The following CLSTN2 variants were observed in gnomAD, a reference collection of about 807,000 sequenced individuals.
CLSTN2 encodes calsyntenin-2.
Under a neutral mutation model 101.2 loss-of-function variants are expected in CLSTN2, and 48 were observed. The observed-to-expected ratio is 0.47, with a 90% CI of 0.38 to 0.60. CLSTN2 has a LOEUF of 0.60. Ranked by LOEUF, CLSTN2 falls within the 20% of genes least tolerant of loss-of-function variation. The probability of loss-of-function intolerance (pLI) is 0.00; values close to 1 mark genes in which losing one functional copy is unlikely to be tolerated. For synonymous variants in CLSTN2, 481 were observed against 463.6 expected (o/e 1.04, Z -0.48); for missense variants, 1,160 against 1,238.2 (o/e 0.94, Z 0.95).
chr3:140,290,620 A>G (rs1032823425), intron 2 of CLSTN2, among the ~76,000 whole-genome samples: 5 of 152,206 alleles, frequency 3.3e-5, no homozygotes, highest in Non-Finnish European at 7.3e-5. Flanking sequence ...TACAACCTAC[A>G]AGCGACTGAC....
At chr3:140,299,508 A>C (rs2087037015) in intron 2 of CLSTN2, among the ~76,000 whole-genome samples, 1 of 152,174 alleles carries the variant, frequency 6.6e-6, no homozygotes, top group African/African-American at 2.4e-5. Flanking sequence ...ATTCGTGTTA[A>C]CTGCAGTCCT....
chr3:139,952,469 C>T (rs1048255137), intron 1 of CLSTN2, among the ~76,000 whole-genome samples: 4 of 149,808 alleles, frequency 2.7e-5, no homozygotes, highest in Non-Finnish European at 5.9e-5. Flanking sequence ...TTTGCCCCTA[C>T]ATTGGTTCCT....
chr3:140,010,397 T>C (rs1160261006), intron 1 of CLSTN2, among the ~76,000 whole-genome samples: 1 of 152,216 alleles, frequency 6.6e-6, no homozygotes, highest in African/African-American at 2.4e-5. Flanking sequence ...GTGTGTTCCA[T>C]GTTCCCAGAA....
intron 1 of CLSTN2, among the ~76,000 whole-genome samples, chr3:140,022,694 TG>T (rs2007343877): frequency 6.6e-6 from 1 of 152,008 alleles, no homozygotes; most frequent in African/African-American, 2.4e-5. Flanking sequence ...GGGATGGAGG[TG>T]GGGGTGGTGG....
At chr3:140,118,808 T>A (rs1039603521) in intron 1 of CLSTN2, among the ~76,000 whole-genome samples, 1 of 152,110 alleles carries the variant, frequency 6.6e-6, no homozygotes. Flanking sequence ...AAGGCAGAAA[T>A]GCGTGTTATG....
chr3:139,937,320 G>A (rs1469661360), intron 1 of CLSTN2, among the ~76,000 whole-genome samples: 1 of 152,110 alleles, frequency 6.6e-6, no homozygotes, highest in African/African-American at 2.4e-5. Context: ...GCGAGAAAGA[G>A]AAGGAGAGAG....
intron 2 of CLSTN2, among the ~76,000 whole-genome samples, chr3:140,238,402 C>T (rs7643993): frequency 1.2e-5 from 1 of 86,810 alleles, no homozygotes; most frequent in African/African-American, 4.1e-5. Context: ...ATTTTAGGAA[C>T]ATTCCTGCAC....
intron 8 of CLSTN2, among the ~76,000 whole-genome samples, chr3:140,488,273 G>A (rs1169086255): frequency 1.3e-5 from 2 of 152,162 alleles, no homozygotes; most frequent in Non-Finnish European, 2.9e-5. Context: ...AGGGACAAAT[G>A]TTCATTATGG....
At chr3:139,939,556 G>A (rs1312279895) in intron 1 of CLSTN2, among the ~76,000 whole-genome samples, 2 of 152,184 alleles carry the variant, frequency 1.3e-5, no homozygotes, top group African/African-American at 2.4e-5. Flanking sequence ...CAGTATGAGT[G>A]TCTAAGGCTG....
At chr3:140,312,291 A>G (rs1013443462) in intron 2 of CLSTN2, among the ~76,000 whole-genome samples, 2 of 152,214 alleles carry the variant, frequency 1.3e-5, no homozygotes, top group Non-Finnish European at 2.9e-5. Flanking sequence ...GCATGTATGG[A>G]TTCTGCACAG....
At chr3:140,511,804 G>A (rs1934821145) in intron 8 of CLSTN2, among the ~76,000 whole-genome samples, 1 of 151,172 alleles carries the variant, frequency 6.6e-6, no homozygotes, top group Admixed American at 6.6e-5. Flanking sequence ...TGATCCGCCT[G>A]CCTCTGGACT....
rs1213510864 is a variant in CLSTN2, at chr3:140,421,201, T to C, written c.714T>C (p.Cys238=). The C allele has an allele frequency of 2.5e-6, 4 of 1,614,056 alleles. No individual in the cohort carries two copies. In the African/African-American group the frequency reaches 5.3e-5, roughly 22 times the overall value. The change falls in exon 5 of 17, where the codon TGT becomes TGC. Residue 238 remains cysteine (C), a synonymous_variant. Coordinates refer to ENST00000458420, the MANE Select transcript of CLSTN2 (RefSeq NM_022131.3). The part of the protein sequence containing the change: ...QYEILVTAYD[C]GQKPAAQDTL... ...AGATCCTGGTGACCGCCTACGACTG[T>C]GGACAGAAGCCCGCTGCTCAGGACA...
chr3:140,342,001 C>A (rs1465713089), intron 2 of CLSTN2, among the ~76,000 whole-genome samples: 1 of 152,094 alleles, frequency 6.6e-6, no homozygotes, highest in African/African-American at 2.4e-5. Flanking sequence ...GGGTAGACAA[C>A]CTGCTTCACT....
chr3:140,119,493 G>A (rs190553520), intron 1 of CLSTN2, among the ~76,000 whole-genome samples: 6 of 152,260 alleles, frequency 3.9e-5, no homozygotes, highest in African/African-American at 1.2e-4. Flanking sequence ...TGGAATGTAT[G>A]GGAGGCAGCA....
chr3:140,096,568 A>C (rs2008872756), intron 1 of CLSTN2, among the ~76,000 whole-genome samples: 1 of 152,096 alleles, frequency 6.6e-6, no homozygotes, highest in Admixed American at 6.5e-5. Context: ...CTACTCCTGG[A>C]GATAGTTATG....
At chr3:139,989,413 T>C (rs7631462) in intron 1 of CLSTN2, among the ~76,000 whole-genome samples, 3,923 of 152,236 alleles carry the variant, frequency 0.026, 180 homozygotes, top group African/African-American at 0.088. Context: ...TACTCCAGAT[T>C]GTTTATCTTT....
chr3:140,279,539 G>C (rs1212817353), intron 2 of CLSTN2, among the ~76,000 whole-genome samples: 1 of 152,216 alleles, frequency 6.6e-6, no homozygotes, highest in Admixed American at 6.5e-5. Context: ...GATTTGCTCT[G>C]CCAAGTGACC....
In CLSTN2 at chr3:140,079,750, C is replaced by CA. The variant is rs548470137; in HGVS notation, c.110-96190dup. Among the ~76,000 whole-genome samples the CA allele has an allele frequency of 2.7e-3, 284 of 106,334 alleles. 4 individuals carry two copies. Among genetic ancestry groups the CA allele is most frequent in the African/African-American group, 4.8e-3 (134 of 28,082 alleles). 69.8% of individuals were successfully genotyped at this position (106,334 alleles called of 152,430 possible). A position where few individuals can be genotyped will look rare whatever the true frequency, so the allele number is the denominator to read the frequency against. ...TGGACAACAGAGTGAGACTATGTCT[C>CA]AAAAAAAAAAAGAAAGAAAAAAAAG... is the stretch of plus-strand genomic sequence containing the variant. On this transcript the variant is annotated intron_variant, in intron 1 of 16. Coordinates refer to ENST00000458420, the MANE Select transcript of CLSTN2 (RefSeq NM_022131.3).
At chr3:140,493,905 G>A (rs12054019) in intron 8 of CLSTN2, among the ~76,000 whole-genome samples, 11,305 of 152,202 alleles carry the variant, frequency 0.074, 807 homozygotes, top group East Asian at 0.32. Context: ...CCACGTTGAA[G>A]GGTGTTATTA....
Sources: gnomAD v4.1 joint callset for allele counts (sites outside exome capture counted in the v4.1 genomes callset) on GRCh38, gnomAD v4.1.1 for gene constraint, MANE v1.5 for transcripts, NCBI Gene and HGNC (gene_info 2026-07-23, HGNC 2026-07-21) for gene names.